SEPSECS: variants seen among roughly 807,000 people sequenced by gnomAD.
SEPSECS encodes Sep (O-phosphoserine) tRNA:Sec (selenocysteine) tRNA synthase, also known as O-phosphoseryl-tRNA(Sec) selenium transferase.
In SEPSECS, 42 loss-of-function variants were observed where a neutral mutation model predicts 52.1. The ratio of observed to expected loss-of-function variants is 0.81; its 90% CI spans 0.63 to 1.04. The LOEUF (loss-of-function observed/expected upper bound fraction) is 1.04. SEPSECS is among the 50% of genes least tolerant of loss of function. The pLI, the probability that SEPSECS is intolerant of heterozygous loss-of-function variation, is 0.00. For missense variants in SEPSECS, 590 were observed against 610.6 expected (o/e 0.97, Z 0.36); for synonymous variants, 216 against 211.4 (o/e 1.02, Z -0.19).
At chr4:25,133,868 C>T (rs1186007967) in intron 8 of SEPSECS, among the ~76,000 whole-genome samples, 3 of 151,768 alleles carry the variant, frequency 2.0e-5, no homozygotes, top group Non-Finnish European at 2.9e-5. Flanking sequence ...TATCCCAGCA[C>T]TCTGGGAGGC....
intron 8 of SEPSECS, among the ~76,000 whole-genome samples, chr4:25,139,633 C>G (rs968243206): frequency 1.3e-5 from 2 of 152,042 alleles, no homozygotes; most frequent in African/African-American, 4.8e-5. Flanking sequence ...ATCTGCCCAC[C>G]TTGGCCTCTG....
rs1168191667 is a variant in SEPSECS at position 25,160,315 on chromosome 4, G to A, written c.55C>T (p.Arg19Trp). ...GERLVSPAYV[R>W]QGCEARRSHE... is the part of the protein sequence containing the mutation. ...GAGCGGCGGGCCTCACAGCCCTGCC[G>A]CACGTAAGCCGGCGACACCAGCCGC... is the stretch of plus-strand genomic sequence containing the variant. The change falls in exon 1 of 11, where the codon CGG becomes TGG. Residue 19 changes from arginine (R) to tryptophan (W), a missense_variant. Arg to Trp is a moderately radical substitution (Grantham distance 101). Transcript: ENST00000382103. 1 of 1,549,250 alleles carries A rather than the reference G, an allele frequency of 6.5e-7. No individual in the cohort carries two copies. Among genetic ancestry groups the A allele is most frequent in the Admixed American group, 2.0e-5 (1 of 51,038 alleles).
At chr4:25,158,831 A>C (rs1577634208) in intron 2 of SEPSECS, 122 bp downstream of exon 2, 1 of 954,426 alleles carries the variant, frequency 1.0e-6, no homozygotes, top group Non-Finnish European at 1.6e-6. Flanking sequence ...TATCCATTAG[A>C]GCAGGGAAGA....
rs772786286 is a variant in SEPSECS at position 25,123,890 on chromosome 4, TATC to T, written c.*38_*40del. 1 of 1,530,038 alleles carries T rather than the reference TATC, an allele frequency of 6.5e-7. No homozygotes were observed. Among genetic ancestry groups the T allele is most frequent in the East Asian group, 2.2e-5 (1 of 44,456 alleles). 94.8% of individuals were successfully genotyped at this position (1,530,038 alleles called of 1,614,324 possible). ...AAACTGCTTGCTTGTACTACAGCCT[TATC>T]ATTTCTTTCAAATGATCAAGAAGAA... On this transcript the variant is annotated 3_prime_UTR_variant, in exon 11 of 11. Coordinates refer to ENST00000382103, the MANE Select transcript of SEPSECS (RefSeq NM_016955.4).
rs186106441 is a variant in SEPSECS at position 25,132,344 on chromosome 4, T to C, written c.1027-4987A>G. On this transcript the variant is annotated intron_variant, in intron 8 of 10. Transcript: ENST00000382103. The stretch of plus-strand genomic sequence containing the variant: ...CAATAATATAAAAAGGAGCTCTCAG[T>C]GATGGTATATAAATAGCTCTGGCTG... 2.8e-3 allele frequency among the ~76,000 whole-genome samples: 430 copies of C among 152,310 alleles called. 3 individuals carry two copies. The highest frequency in any genetic ancestry group is 0.01 in the Middle Eastern group (3 of 294).
chr4:25,125,091 C>A (rs1056170356), intron 10 of SEPSECS, among the ~76,000 whole-genome samples: 1 of 152,064 alleles, frequency 6.6e-6, no homozygotes, highest in African/African-American at 2.4e-5. Context: ...GATATAAAAT[C>A]TCTATCCTCC....
In SEPSECS at chr4:25,156,892, T is replaced by C; in HGVS notation, c.352A>G (p.Thr118Ala). Reference sequence around the variant, plus strand: ...ATAATGTCCAGGACCAAAGAATTGGTAATTTTGTTCAAAAGGCTAGAGCCT... The same window carrying C: ...ATAATGTCCAGGACCAAAGAATTGGCAATTTTGTTCAAAAGGCTAGAGCCT... ...AAGSSLLNKITNSLVLDIIKL... is the reference protein window; with the variant it reads ...AAGSSLLNKIANSLVLDIIKL... Residue 118 changes from threonine to alanine, a missense_variant, in exon 3 of 11, where the codon ACC (threonine) becomes GCC (alanine). Thr to Ala is a moderately conservative substitution (Grantham distance 58). Coordinates refer to ENST00000382103, the MANE Select transcript of SEPSECS (RefSeq NM_016955.4). 6.2e-7 allele frequency: 1 copy of C among 1,610,390 alleles called. No individual in the cohort carries two copies. Among genetic ancestry groups the C allele is most frequent in the Non-Finnish European group, 8.5e-7 (1 of 1,176,706 alleles).
intron 8 of SEPSECS, among the ~76,000 whole-genome samples, chr4:25,142,718 A>T (rs1033623736): frequency 1.3e-5 from 2 of 152,242 alleles, no homozygotes; most frequent in African/African-American, 2.4e-5. Flanking sequence ...GGTAACATGA[A>T]ACTGAAGAGA....
In SEPSECS at chr4:25,156,926, T is replaced by G; in HGVS notation, c.318A>C (p.Pro106=). The change falls in exon 3 of 11, where the codon CCA becomes CCC. Residue 106 remains proline (P), a synonymous_variant. Coordinates refer to ENST00000382103, the MANE Select transcript of SEPSECS (RefSeq NM_016955.4). ...TCAAAAGGCTAGAGCCTGCAGCTTT[T>G]GGTTGCACAGCAGAAATATCACCGG... is the stretch of plus-strand genomic sequence containing the variant. ...GRSGDISAVQ[P]KAAGSSLLNK... is the part of the protein sequence containing the mutation. 6.2e-7 allele frequency: 1 copy of G among 1,613,676 alleles called. No individual in the cohort carries two copies. Among genetic ancestry groups the G allele is most frequent in the Non-Finnish European group, 8.5e-7 (1 of 1,179,660 alleles).
At chr4:25,140,837 T>C (rs1364237008) in intron 8 of SEPSECS, among the ~76,000 whole-genome samples, 1 of 151,380 alleles carries the variant, frequency 6.6e-6, no homozygotes, top group African/African-American at 2.4e-5. Flanking sequence ...AATCACTCCC[T>C]CCTCCTTAAT....
At chr4:25,140,050 C>T (rs1728998787) in intron 8 of SEPSECS, among the ~76,000 whole-genome samples, 1 of 152,162 alleles carries the variant, frequency 6.6e-6, no homozygotes, top group Admixed American at 6.5e-5. Context: ...CGGCAGCTGA[C>T]AGTTGTAAGA....
At position 25,159,382 on chromosome 4, in the gene SEPSECS, C is replaced by T. The variant is rs780043245; in HGVS notation, c.115-275G>A. ...TTCCGTAAGTGAAACTAACTGAAAA[C>T]CAATACAACACATCCCCAGTGAAGA... On this transcript the variant is annotated intron_variant, in intron 1 of 10. Coordinates refer to ENST00000382103, the MANE Select transcript of SEPSECS (RefSeq NM_016955.4). 3.1e-4 allele frequency: 135 copies of T among 437,144 alleles called. 1 individual carries two copies. The highest frequency in any genetic ancestry group is 4.8e-4 in the Admixed American group (12 of 24,802). The allele number at this position is 437,144 out of a possible 1,614,324, so 27.1% of individuals were successfully genotyped here.
At chr4:25,160,544 C>A (rs560422947), upstream of SEPSECS, 4 of 546,750 alleles carry the variant, frequency 7.3e-6, no homozygotes, top group East Asian at 1.3e-4. Flanking sequence ...CATGCGCAGA[C>A]CTTCTCAGAT....
In SEPSECS at chr4:25,159,949, C is replaced by T; in HGVS notation, c.114+307G>A. The T allele has an allele frequency of 5.1e-6, 5 of 985,384 alleles. No individual in the cohort carries two copies. In the South Asian group the frequency reaches 2.3e-4, roughly 46 times the overall value. 61.0% of individuals were successfully genotyped at this position (985,384 alleles called of 1,614,324 possible). A position where few individuals can be genotyped will look rare whatever the true frequency, so the allele number is the denominator to read the frequency against. On this transcript the variant is annotated intron_variant, in intron 1 of 10. Transcript: ENST00000382103. Reference sequence around the variant, plus strand: ...GAAAGATGGAGGTGCGAACTTTGCCCTTTCCGCGAATAAAAAAGTACACTG... The same window carrying T: ...GAAAGATGGAGGTGCGAACTTTGCCTTTTCCGCGAATAAAAAAGTACACTG...
At chr4:25,136,063 A>C (rs1243160174) in intron 8 of SEPSECS, among the ~76,000 whole-genome samples, 1 of 152,228 alleles carries the variant, frequency 6.6e-6, no homozygotes, top group African/African-American at 2.4e-5. Context: ...TCAAAATAAT[A>C]ATAGCCATTT....
At chr4:25,126,352 T>C (rs1452033992) in intron 9 of SEPSECS, among the ~76,000 whole-genome samples, 2 of 152,096 alleles carry the variant, frequency 1.3e-5, no homozygotes, top group East Asian at 1.9e-4. Context: ...AGATTCGGAA[T>C]TCAAGCTACA....
chr4:25,141,260 C>G (rs1411053971), intron 8 of SEPSECS, among the ~76,000 whole-genome samples: 1 of 152,100 alleles, frequency 6.6e-6, no homozygotes, highest in Non-Finnish European at 1.5e-5. Context: ...GCTGTAGTGC[C>G]CAGAGCTCAG....
chr4:25,151,306 G>A (rs1267020702), intron 6 of SEPSECS, among the ~76,000 whole-genome samples: 1 of 152,126 alleles, frequency 6.6e-6, no homozygotes, highest in Non-Finnish European at 1.5e-5. Context: ...GGAAGTGCAG[G>A]CACGTGACAA....
intron 8 of SEPSECS, among the ~76,000 whole-genome samples, chr4:25,143,047 A>G (rs1711693295): frequency 6.6e-6 from 1 of 152,200 alleles, no homozygotes; most frequent in South Asian, 2.1e-4. Context: ...TCATCTATAG[A>G]GAGTTGTTAT....
Sources: gnomAD v4.1 joint callset for allele counts (sites outside exome capture counted in the v4.1 genomes callset) on GRCh38, gnomAD v4.1.1 for gene constraint, MANE v1.5 for transcripts, NCBI Gene and HGNC (gene_info 2026-07-23, HGNC 2026-07-21) for gene names.